SETBP1: variants seen among roughly 807,000 people sequenced by gnomAD.
SETBP1 encodes the protein SET-binding protein.
Under a neutral mutation model 101.0 loss-of-function variants are expected in SETBP1, and 9 were observed. The observed-to-expected ratio is 0.09, with a 90% CI of 0.05 to 0.16. The LOEUF (loss-of-function observed/expected upper bound fraction) is 0.16, where lower values mean the gene tolerates loss of function less well. SETBP1 is among the 10% of genes least tolerant of loss of function. SETBP1 has a pLI of 1.00. For synonymous variants in SETBP1, 818 were observed against 788.5 expected (o/e 1.04, Z -0.63); for missense variants, 1,858 against 2,033.8 (o/e 0.91, Z 1.66).
chr18:44,945,726 G>A (rs1469061841), intron 3 of SETBP1, among the ~76,000 whole-genome samples: 1 of 152,138 alleles, frequency 6.6e-6, no homozygotes, highest in African/African-American at 2.4e-5. Flanking sequence ...GAGGGCTGAG[G>A]GTGGTATAAA....
At chr18:44,987,886 A>T (rs2072275136) in intron 4 of SETBP1, 1 of 152,204 alleles carries the variant, frequency 6.6e-6, no homozygotes. Context: ...AGATAGACAG[A>T]CATATATAGA....
intron 2 of SETBP1, among the ~76,000 whole-genome samples, chr18:44,837,765 G>A (rs141418128): frequency 8.1e-4 from 123 of 152,322 alleles, no homozygotes; most frequent in African/African-American, 2.8e-3. Flanking sequence ...TTCTTGGAAA[G>A]TGTTGCAAGC....
intron 3 of SETBP1, among the ~76,000 whole-genome samples, chr18:44,910,467 A>G (rs1340366745): frequency 1.3e-5 from 2 of 152,170 alleles, no homozygotes; most frequent in Non-Finnish European, 2.9e-5. Flanking sequence ...TGTTGTCTGT[A>G]CAACCTATTT....
intron 2 of SETBP1, among the ~76,000 whole-genome samples, chr18:44,759,320 A>G (rs765600616): frequency 2.6e-5 from 4 of 152,162 alleles, no homozygotes; most frequent in Non-Finnish European, 5.9e-5. Flanking sequence ...GTTGCCCCCA[A>G]GAATTGTGGC....
At chr18:44,816,484 G>A (rs1352806318) in intron 2 of SETBP1, among the ~76,000 whole-genome samples, 1 of 152,198 alleles carries the variant, frequency 6.6e-6, no homozygotes, top group Non-Finnish European at 1.5e-5. Context: ...GGAAAGGCAA[G>A]TGGTAAGTTT....
chr18:44,912,268 T>C (rs777399100), intron 3 of SETBP1, among the ~76,000 whole-genome samples: 3 of 152,176 alleles, frequency 2.0e-5, no homozygotes, highest in Non-Finnish European at 4.4e-5. Flanking sequence ...GATAGCTCAA[T>C]TGATGTTTGT....
At chr18:44,825,983 T>C (rs1438152454) in intron 2 of SETBP1, among the ~76,000 whole-genome samples, 1 of 152,216 alleles carries the variant, frequency 6.6e-6, no homozygotes, top group African/African-American at 2.4e-5. Context: ...AGTACCTTGA[T>C]GTTTCAAGAG....
At chr18:44,752,946 C>A (rs377626887) in intron 2 of SETBP1, among the ~76,000 whole-genome samples, 258 of 152,282 alleles carry the variant, frequency 1.7e-3, no homozygotes, top group Non-Finnish European at 3.1e-3. Flanking sequence ...GTCTGTGACC[C>A]AGAAAAATTA....
At chr18:44,815,494 T>G (rs2071955285) in intron 2 of SETBP1, among the ~76,000 whole-genome samples, 1 of 152,200 alleles carries the variant, frequency 6.6e-6, no homozygotes, top group Admixed American at 6.5e-5. Flanking sequence ...TTGGCTACTG[T>G]TTACTTTGGT....
intron 2 of SETBP1, among the ~76,000 whole-genome samples, chr18:44,832,953 T>C (rs1326988318): frequency 3.9e-5 from 6 of 152,234 alleles, no homozygotes; most frequent in Non-Finnish European, 8.8e-5. Context: ...CCTTAGAGCA[T>C]AGTCTCACCC....
intron 3 of SETBP1, chr18:44,871,271 A>C (rs1037908719): frequency 6.6e-6 from 1 of 152,172 alleles, no homozygotes; most frequent in African/African-American, 2.4e-5. Flanking sequence ...TTTAAAACAG[A>C]AATAGAAAGC....
At chr18:44,744,893 CA>C (rs1909199936) in intron 2 of SETBP1, among the ~76,000 whole-genome samples, 1 of 152,020 alleles carries the variant, frequency 6.6e-6, no homozygotes, top group Non-Finnish European at 1.5e-5. Context: ...AGATTCAGGG[CA>C]TTGTCCAGGG....
chr18:44,775,426 G>T (rs2070977219), intron 2 of SETBP1, among the ~76,000 whole-genome samples: 2 of 152,192 alleles, frequency 1.3e-5, no homozygotes, highest in African/African-American at 2.4e-5. Flanking sequence ...GGTTTATGAA[G>T]TCTAGAATCT....
chr18:44,935,404 A>AT (rs1396477998), intron 3 of SETBP1, among the ~76,000 whole-genome samples: 2 of 152,002 alleles, frequency 1.3e-5, no homozygotes, highest in Non-Finnish European at 2.9e-5. Context: ...TTTCTTATCT[A>AT]TTTTTTTCTT....
intron 5 of SETBP1, among the ~76,000 whole-genome samples, chr18:45,040,080 T>C (rs1200998990): frequency 6.6e-6 from 1 of 152,138 alleles, no homozygotes; most frequent in Non-Finnish European, 1.5e-5. Flanking sequence ...CACACAACCC[T>C]TTTTTCTGGG....
intron 4 of SETBP1, among the ~76,000 whole-genome samples, chr18:44,977,140 T>C (rs1382515459): frequency 1.3e-5 from 2 of 152,228 alleles, no homozygotes; most frequent in African/African-American, 2.4e-5. Context: ...CCAACCCCCA[T>C]GGCATTGAAA....
At chr18:44,870,170 G>C (rs11082412) in intron 3 of SETBP1, 49,725 of 152,082 alleles carry the variant, frequency 0.33, 8,250 homozygotes, top group South Asian at 0.41. Flanking sequence ...CAGGGGTCGA[G>C]CAAATATGTT....
At chr18:44,723,158 A>C (rs1599034764) in intron 2 of SETBP1, among the ~76,000 whole-genome samples, 1 of 152,038 alleles carries the variant, frequency 6.6e-6, no homozygotes, top group Non-Finnish European at 1.5e-5. Flanking sequence ...AAATTTCCCT[A>C]CCCCTTAATT....
chr18:44,774,903 GT>G (rs199570045), intron 2 of SETBP1, among the ~76,000 whole-genome samples: 13,005 of 142,636 alleles, frequency 0.091, 599 homozygotes, highest in East Asian at 0.15. Flanking sequence ...TTTACTTGGT[GT>G]TTTTTTTTTT....
Sources: gnomAD v4.1 joint callset for allele counts (sites outside exome capture counted in the v4.1 genomes callset) on GRCh38, gnomAD v4.1.1 for gene constraint, MANE v1.5 for transcripts, NCBI Gene and HGNC (gene_info 2026-07-23, HGNC 2026-07-21) for gene names.